THSD4: variants seen among roughly 807,000 people sequenced by gnomAD.
THSD4 encodes the protein thrombospondin type-1 domain-containing protein 4.
In THSD4, 69 loss-of-function variants were observed where a neutral mutation model predicts 119.0. That is an observed-to-expected ratio of 0.58 (90% CI 0.48 to 0.71). The LOEUF (loss-of-function observed/expected upper bound fraction) is 0.71, where lower values mean the gene tolerates loss of function less well. THSD4 is among the 30% of genes least tolerant of loss of function. The pLI is 0.00. For missense variants in THSD4, 1,393 were observed against 1,391.1 expected (o/e 1.00, Z -0.02); for synonymous variants, 524 against 540.4 (o/e 0.97, Z 0.42).
intron 7 of THSD4, among the ~76,000 whole-genome samples, chr15:71,444,690 T>C (rs1595774627): frequency 6.6e-6 from 1 of 152,226 alleles, no homozygotes; most frequent in Non-Finnish European, 1.5e-5. Context: ...ACAGACCAGC[T>C]GGATGCCTTC....
chr15:71,651,865 C>T (rs1346726907), intron 7 of THSD4, among the ~76,000 whole-genome samples: 1 of 152,182 alleles, frequency 6.6e-6, no homozygotes, highest in Non-Finnish European at 1.5e-5. Flanking sequence ...CTTGCAAAGG[C>T]TTAGAGGTGC....
chr15:71,431,478 C>A (rs1024706708), intron 7 of THSD4, among the ~76,000 whole-genome samples: 6 of 152,108 alleles, frequency 3.9e-5, no homozygotes, highest in African/African-American at 1.4e-4. Context: ...TTACTGTGGA[C>A]AACAAGACTT....
intron 6 of THSD4, among the ~76,000 whole-genome samples, chr15:71,274,007 C>T (rs1253119598): frequency 6.6e-6 from 1 of 152,160 alleles, no homozygotes; most frequent in Non-Finnish European, 1.5e-5. Context: ...GCAGGTTTCT[C>T]CATCTAAGAG....
At chr15:71,652,328 C>G (rs1474601107) in intron 7 of THSD4, among the ~76,000 whole-genome samples, 1 of 151,618 alleles carries the variant, frequency 6.6e-6, no homozygotes, top group African/African-American at 2.4e-5. Flanking sequence ...ATTATGATCT[C>G]TTTAAACACA....
chr15:71,515,890 C>A (rs1202759540), intron 7 of THSD4, among the ~76,000 whole-genome samples: 1 of 152,164 alleles, frequency 6.6e-6, no homozygotes, highest in Non-Finnish European at 1.5e-5. Flanking sequence ...ATCCTGGCAT[C>A]TTTTTCAGAG....
rs930628935 is a variant in THSD4, at chr15:71,305,980, C to T, written c.1015+49265C>T. On this transcript the variant is annotated intron_variant, in intron 6 of 17. Coordinates refer to ENST00000261862, the MANE Select transcript of THSD4 (RefSeq NM_024817.3). ...GGAGGAAGTGTGAAGATAACTTTTT[C>T]CCTCAAACGATTGTAAAGAGCTTAA... Among the ~76,000 whole-genome samples the T allele has an allele frequency of 1.7e-4, 26 of 152,066 alleles. 1 individual carries two copies. The highest frequency in any genetic ancestry group is 6.6e-4 in the Admixed American group (10 of 15,244).
chr15:71,609,166 G>C (rs2050172257), intron 7 of THSD4, among the ~76,000 whole-genome samples: 1 of 152,128 alleles, frequency 6.6e-6, no homozygotes, highest in African/African-American at 2.4e-5. Flanking sequence ...CTGAAGACTG[G>C]TAATGTGAAG....
chr15:71,429,767 T>C (rs1362542402), intron 7 of THSD4, among the ~76,000 whole-genome samples: 1 of 152,210 alleles, frequency 6.6e-6, no homozygotes, highest in Non-Finnish European at 1.5e-5. Context: ...ATAGAGTTAG[T>C]AGCTGAATGG....
At chr15:71,142,475 G>T (rs540335901) in intron 2 of THSD4, among the ~76,000 whole-genome samples, 87 of 152,102 alleles carry the variant, frequency 5.7e-4, no homozygotes, top group African/African-American at 2.0e-3. Context: ...AATAGACAAT[G>T]ACAGTATTTT....
intron 7 of THSD4, among the ~76,000 whole-genome samples, chr15:71,534,683 C>T (rs896811333): frequency 1.3e-5 from 2 of 152,098 alleles, no homozygotes; most frequent in Non-Finnish European, 2.9e-5. Flanking sequence ...TTTTAAACAG[C>T]ATATTAAGAT....
chr15:71,239,421 C>T (rs1412110296), intron 4 of THSD4, among the ~76,000 whole-genome samples: 1 of 152,162 alleles, frequency 6.6e-6, no homozygotes, highest in Non-Finnish European at 1.5e-5. Flanking sequence ...GGGTAACTTA[C>T]CCAAAGTTTC....
rs116056396 is a variant in THSD4, at chr15:71,174,140, A to G, written c.99+19208A>G. 3.5e-3 allele frequency among the ~76,000 whole-genome samples: 531 copies of G among 152,326 alleles called. 3 individuals are homozygous for G. The highest frequency in any genetic ancestry group is 0.013 in the African/African-American group (525 of 41,578). ...TAAAAAGACACTATCGAGCAGAAAT[A>G]GGAGCCAAGATGGCCGAATAGGAAC... On this transcript the variant is annotated intron_variant, in intron 3 of 17. Transcript: ENST00000261862.
At chr15:71,599,136 C>T (rs1422490532) in intron 7 of THSD4, among the ~76,000 whole-genome samples, 1 of 152,166 alleles carries the variant, frequency 6.6e-6, no homozygotes, top group African/African-American at 2.4e-5. Context: ...ACAAGAATTT[C>T]ATGTGGCTTA....
At chr15:71,196,840 G>C (rs1321628820) in intron 3 of THSD4, among the ~76,000 whole-genome samples, 1 of 152,198 alleles carries the variant, frequency 6.6e-6, no homozygotes, top group Non-Finnish European at 1.5e-5. Flanking sequence ...GAGAGGCAGG[G>C]AGAGGAGGAA....
At chr15:71,757,545 T>TGC (rs2053562468) in intron 14 of THSD4, among the ~76,000 whole-genome samples, 3 of 7,984 alleles carry the variant, frequency 3.8e-4, no homozygotes, top group African/African-American at 1.7e-3. Context: ...ATCCTCCCAC[T>TGC]TCAGCCTCCC....
intron 6 of THSD4, among the ~76,000 whole-genome samples, chr15:71,276,046 C>T (rs1399915653): frequency 6.6e-6 from 1 of 152,218 alleles, no homozygotes; most frequent in Non-Finnish European, 1.5e-5. Context: ...CTGCCAGTCT[C>T]CATTTCTTAG....
chr15:71,357,064 G>A (rs935781581), intron 6 of THSD4, among the ~76,000 whole-genome samples: 4 of 152,190 alleles, frequency 2.6e-5, no homozygotes, highest in Admixed American at 2.6e-4. Flanking sequence ...AGGTACACAG[G>A]GCATGGCAGC....
intron 8 of THSD4, among the ~76,000 whole-genome samples, chr15:71,670,832 T>G (rs2051511354): frequency 8.1e-6 from 1 of 123,788 alleles, no homozygotes. Flanking sequence ...AACTCATCCT[T>G]TTTTTATGGC....
At chr15:71,213,895 C>G (rs2043907643) in intron 3 of THSD4, among the ~76,000 whole-genome samples, 1 of 152,210 alleles carries the variant, frequency 6.6e-6, no homozygotes, top group Non-Finnish European at 1.5e-5. Context: ...CTGGTACTAT[C>G]CATCTTTAAA....
Sources: allele counts gnomAD v4.1 joint callset (sites outside exome capture counted in the v4.1 genomes callset), GRCh38; gene constraint gnomAD v4.1.1; transcripts MANE v1.5; gene names NCBI Gene and HGNC (gene_info 2026-07-23, HGNC 2026-07-21).